ZNF804A: variants seen among roughly 807,000 people sequenced by gnomAD.
The protein encoded by ZNF804A is zinc finger protein 804A.
A neutral mutation model predicts 16.5 loss-of-function variants in ZNF804A; 2 were observed. That is an observed-to-expected ratio of 0.12 (90% CI 0.05 to 0.38). ZNF804A has a LOEUF of 0.38. Among genes scored for constraint, ZNF804A ranks in the 10% least tolerant of loss-of-function variants. ZNF804A has a pLI of 0.99. For missense variants in ZNF804A, 1,473 were observed against 1,390.7 expected (o/e 1.06, Z -0.94); for synonymous variants, 534 against 489.6 (o/e 1.09, Z -1.20).
chr2:184,905,730 A>T (rs935622975), intron 2 of ZNF804A, among the ~76,000 whole-genome samples: 5 of 152,176 alleles, frequency 3.3e-5, no homozygotes, highest in African/African-American at 9.7e-5. Context: ...GCATGTTTCC[A>T]TCTAGGGGGT....
chr2:184,760,931 G>A (rs1341455649), intron 1 of ZNF804A, among the ~76,000 whole-genome samples: 1 of 151,812 alleles, frequency 6.6e-6, no homozygotes, highest in Admixed American at 6.6e-5. Flanking sequence ...TTAATTCACC[G>A]GCTGGCACAT....
intron 1 of ZNF804A, among the ~76,000 whole-genome samples, chr2:184,739,438 G>A (rs922374238): frequency 6.6e-6 from 1 of 152,122 alleles, no homozygotes; most frequent in African/African-American, 2.4e-5. Context: ...CCATCACCCA[G>A]GCTGGAGTGC....
intron 1 of ZNF804A, among the ~76,000 whole-genome samples, chr2:184,660,343 C>T (rs1692150618): frequency 6.6e-6 from 1 of 152,132 alleles, no homozygotes; most frequent in Non-Finnish European, 1.5e-5. Context: ...CTATGAAATA[C>T]TTTATAAAAA....
intron 1 of ZNF804A, among the ~76,000 whole-genome samples, chr2:184,762,636 TA>T (rs1694056627): frequency 6.6e-6 from 1 of 152,016 alleles, no homozygotes; most frequent in South Asian, 2.1e-4. Flanking sequence ...GAAGGCTGTA[TA>T]AGGTGTTCAT....
chr2:184,776,388 A>G lies in ZNF804A; in HGVS notation c.112-89981A>G, dbSNP rs1694284895. ...GTATAGATAGAAAAAAATCTACTAT[A>G]AATTTTGTTTTATTAAAAAGCTCTT... On this transcript the variant is annotated intron_variant, in intron 1 of 3. Transcript: ENST00000302277. 3.3e-5 allele frequency among the ~76,000 whole-genome samples: 5 copies of G among 151,632 alleles called. No homozygotes were observed. The South Asian group carries it at 1.0e-3, about 31-fold the overall frequency.
chr2:184,657,146 G>A (rs1352667489), intron 1 of ZNF804A, among the ~76,000 whole-genome samples: 2 of 152,052 alleles, frequency 1.3e-5, no homozygotes, highest in Non-Finnish European at 2.9e-5. Context: ...GTGCAGTAGC[G>A]ACATAATGGC....
intron 1 of ZNF804A, among the ~76,000 whole-genome samples, chr2:184,610,707 A>G (rs1284558397): frequency 1.3e-5 from 2 of 152,126 alleles, no homozygotes; most frequent in East Asian, 3.9e-4. Flanking sequence ...AAGACAGTCA[A>G]TGTCTGGACA....
At chr2:184,885,068 T>C (rs1558992382) in intron 2 of ZNF804A, among the ~76,000 whole-genome samples, 5 of 152,092 alleles carry the variant, frequency 3.3e-5, no homozygotes, top group African/African-American at 1.2e-4. Flanking sequence ...CAAAAGAAGA[T>C]ATACACATGG....
At chr2:184,847,254 G>A (rs1695533913) in intron 1 of ZNF804A, among the ~76,000 whole-genome samples, 1 of 152,066 alleles carries the variant, frequency 6.6e-6, no homozygotes, top group African/African-American at 2.4e-5. Context: ...TGATGATGGT[G>A]TAGATGAGTT....
At chr2:184,905,781 T>G (rs946424674) in intron 2 of ZNF804A, among the ~76,000 whole-genome samples, 2 of 152,162 alleles carry the variant, frequency 1.3e-5, no homozygotes, top group African/African-American at 4.8e-5. Context: ...ACCTCTACTA[T>G]TGCTAAATTA....
intron 1 of ZNF804A, among the ~76,000 whole-genome samples, chr2:184,754,612 G>T (rs1693930670): frequency 6.6e-6 from 1 of 151,744 alleles, no homozygotes; most frequent in Admixed American, 6.6e-5. Context: ...ATCTCGAATT[G>T]AAACACATCA....
At chr2:184,684,697 A>G (rs1692599860) in intron 1 of ZNF804A, among the ~76,000 whole-genome samples, 1 of 152,144 alleles carries the variant, frequency 6.6e-6, no homozygotes, top group Non-Finnish European at 1.5e-5. Context: ...AGTACCCAAT[A>G]GGTAGATTTC....
intron 1 of ZNF804A, among the ~76,000 whole-genome samples, chr2:184,600,480 T>C (rs1691027223): frequency 2.0e-5 from 3 of 152,316 alleles, no homozygotes; most frequent in Middle Eastern, 3.4e-3. Flanking sequence ...CAAAGAGCAG[T>C]AGCCAAAGGC....
intron 1 of ZNF804A, among the ~76,000 whole-genome samples, chr2:184,830,961 G>T (rs572376768): frequency 8.5e-5 from 13 of 152,152 alleles, no homozygotes; most frequent in African/African-American, 2.9e-4. Context: ...GTAAGCTAGA[G>T]GGTAAAGAAG....
At chr2:184,651,883 G>A (rs1362168816) in intron 1 of ZNF804A, among the ~76,000 whole-genome samples, 1 of 152,088 alleles carries the variant, frequency 6.6e-6, no homozygotes, top group Non-Finnish European at 1.5e-5. Flanking sequence ...GCAGTTTAGA[G>A]GTTTCTCACA....
chr2:184,938,726 TGCAGCTGCAGCTGCAGCC>T lies in ZNF804A; in HGVS notation c.3341_3358del (p.Ala1114_Ala1119del), dbSNP rs752338922. On this transcript the variant is annotated inframe_deletion, in exon 4 of 4. Coordinates refer to ENST00000302277, the MANE Select transcript of ZNF804A (RefSeq NM_194250.2). ...TTTTGCAGCAGCACGCTGCAGCTGC[TGCAGCTGCAGCTGCAGCC>T]GCAGCTGCAGGAACCTTTAAAGTGC... 327 of 1,606,314 alleles carry T rather than the reference TGCAGCTGCAGCTGCAGCC, an allele frequency of 2.0e-4. 1 individual carries two copies. The highest frequency in any genetic ancestry group is 1.2e-3 in the Middle Eastern group (7 of 6,032).
intron 2 of ZNF804A, among the ~76,000 whole-genome samples, chr2:184,907,155 T>A (rs559120862): frequency 3.3e-5 from 5 of 152,214 alleles, no homozygotes; most frequent in African/African-American, 1.2e-4. Context: ...TGTGCCTCAC[T>A]TTTCATCTAT....
At chr2:184,775,688 A>G (rs776521971) in intron 1 of ZNF804A, among the ~76,000 whole-genome samples, 10 of 151,644 alleles carry the variant, frequency 6.6e-5, no homozygotes, top group African/African-American at 2.2e-4. Flanking sequence ...CCATATTTTA[A>G]TTATCCACGG....
chr2:184,882,250 C>A (rs907726041), intron 2 of ZNF804A, among the ~76,000 whole-genome samples: 12 of 151,952 alleles, frequency 7.9e-5, no homozygotes, highest in Non-Finnish European at 1.0e-4. Flanking sequence ...ACAAGAAGAT[C>A]TAACTATGCT....
Sources: gnomAD v4.1 joint callset for allele counts (sites outside exome capture counted in the v4.1 genomes callset) on GRCh38, gnomAD v4.1.1 for gene constraint, MANE v1.5 for transcripts, NCBI Gene and HGNC (gene_info 2026-07-23, HGNC 2026-07-21) for gene names.